The following VAV2 variants were observed in gnomAD, a reference collection of about 807,000 sequenced individuals.
VAV2 encodes the protein guanine nucleotide exchange factor VAV2.
VAV2 carries 67 observed loss-of-function variants against 132.5 expected under a neutral mutation model. The observed-to-expected ratio is 0.51, with a 90% CI of 0.42 to 0.62. VAV2 has a LOEUF of 0.62. Among genes scored for constraint, VAV2 ranks in the 20% least tolerant of loss-of-function variants. The pLI is 0.00. For synonymous variants in VAV2, 492 were observed against 443.5 expected, an observed-to-expected ratio of 1.11 and a Z score of -1.37; for missense variants, 938 against 1,153.6, an observed-to-expected ratio of 0.81 and a Z score of 2.71.
At chr9:133,855,452 A>G (rs934667128) in intron 3 of VAV2, among the ~76,000 whole-genome samples, 1 of 152,252 alleles carries the variant, frequency 6.6e-6, no homozygotes, top group Non-Finnish European at 1.5e-5. Flanking sequence ...AGGGCCAGCC[A>G]GCAAGGCACG....
intron 4 of VAV2, among the ~76,000 whole-genome samples, chr9:133,819,775 G>A (rs1482813105): frequency 1.3e-5 from 2 of 152,166 alleles, no homozygotes; most frequent in East Asian, 1.9e-4. Context: ...AACACTGGGA[G>A]AGATGGGTTC....
At chr9:133,899,353 T>G (rs953308333) in intron 2 of VAV2, among the ~76,000 whole-genome samples, 1 of 150,972 alleles carries the variant, frequency 6.6e-6, no homozygotes, top group Non-Finnish European at 1.5e-5. Flanking sequence ...GCCCAGGAGT[T>G]TGAGACCAGT....
At chr9:133,780,839 G>A in intron 19 of VAV2, 129 bp from the exon 20 acceptor site, 5 of 1,071,194 alleles carry the variant, frequency 4.7e-6, no homozygotes, top group African/African-American at 1.6e-5. Flanking sequence ...CTACAAAGTG[G>A]TCTGTTTTGG....
chr9:133,948,930 A>G (rs1296545456), intron 1 of VAV2, among the ~76,000 whole-genome samples: 1 of 152,158 alleles, frequency 6.6e-6, no homozygotes, highest in African/African-American at 2.4e-5. Flanking sequence ...TCCCCATGGG[A>G]GCCCCACGGC....
At chr9:133,867,089 G>C (rs930444862) in intron 2 of VAV2, among the ~76,000 whole-genome samples, 12 of 152,142 alleles carry the variant, frequency 7.9e-5, no homozygotes, top group Non-Finnish European at 1.5e-4. Flanking sequence ...CCCTGCAGGG[G>C]ACACAACACC....
intron 1 of VAV2, among the ~76,000 whole-genome samples, chr9:133,983,083 G>C (rs984022802): frequency 6.6e-6 from 1 of 152,218 alleles, no homozygotes; most frequent in South Asian, 2.1e-4. Context: ...TTCAGGGGCA[G>C]TCAGGAGGGA....
intron 2 of VAV2, among the ~76,000 whole-genome samples, chr9:133,910,132 T>C (rs1449471776): frequency 6.6e-6 from 1 of 152,142 alleles, no homozygotes; most frequent in African/African-American, 2.4e-5. Flanking sequence ...CTCTATTGCC[T>C]AGAATGAAGA....
intron 3 of VAV2, among the ~76,000 whole-genome samples, chr9:133,837,376 TAAAA>T (rs1172997364): frequency 6.6e-6 from 1 of 152,178 alleles, no homozygotes; most frequent in African/African-American, 2.4e-5. Flanking sequence ...GAGTGCCCAC[TAAAA>T]TAAGGCACAA....
rs536981762 is a variant in VAV2 at position 133,845,545 on chromosome 9, CCCTGCACTT to C, written c.381-11214_381-11206del. Among the ~76,000 whole-genome samples, 668 of 152,330 alleles carry C rather than the reference CCCTGCACTT, an allele frequency of 4.4e-3. 4 individuals carry two copies. Among genetic ancestry groups the C allele is most frequent in the African/African-American group, 0.015 (634 of 41,590 alleles). ...AGCAGCTGAAGGCCCTCTTCCCCCTCCCTGCACTTCCTGCCGACTTGTCTGCTGGGAAAT... is the reference window on the plus strand; with the variant it reads ...AGCAGCTGAAGGCCCTCTTCCCCCTCCCTGCCGACTTGTCTGCTGGGAAAT... On this transcript the variant is annotated intron_variant, in intron 3 of 29. Coordinates refer to ENST00000371850, the MANE Select transcript of VAV2 (RefSeq NM_001134398.2).
In VAV2 at chr9:133,787,210, G is replaced by A. The variant is rs749623662; in HGVS notation, c.1422+36C>T. 7.1e-6 allele frequency: 11 copies of A among 1,553,710 alleles called. No individual in the cohort carries two copies. The Admixed American group carries it at 1.8e-4, about 26-fold the overall frequency. On this transcript the variant is annotated intron_variant, in intron 16 of 29. Coordinates refer to ENST00000371850, the MANE Select transcript of VAV2 (RefSeq NM_001134398.2). Reference sequence around the variant, plus strand: ...GTGCCAGCACCAGGCTGGGATGATTGAGGCAGGTGGGAGGACCTGGGCGCT... The same window carrying A: ...GTGCCAGCACCAGGCTGGGATGATTAAGGCAGGTGGGAGGACCTGGGCGCT...
chr9:133,777,874 A>G (rs1833871165), intron 22 of VAV2, among the ~76,000 whole-genome samples: 1 of 152,152 alleles, frequency 6.6e-6, no homozygotes. Flanking sequence ...TGACAAAATG[A>G]CCACAGCATC....
At chr9:133,978,440 C>A (rs1166329540) in intron 1 of VAV2, among the ~76,000 whole-genome samples, 1 of 152,262 alleles carries the variant, frequency 6.6e-6, no homozygotes, top group Non-Finnish European at 1.5e-5. Context: ...GAGACGGGCT[C>A]CCCAATCCTG....
intron 3 of VAV2, among the ~76,000 whole-genome samples, chr9:133,858,880 A>G (rs1837487006): frequency 6.6e-6 from 1 of 152,192 alleles, no homozygotes; most frequent in Admixed American, 6.5e-5. Context: ...CTACAGTCCC[A>G]GTCCAGGGGG....
chr9:133,896,988 G>C (rs545195063), intron 2 of VAV2, among the ~76,000 whole-genome samples: 58 of 151,464 alleles, frequency 3.8e-4, no homozygotes, highest in Middle Eastern at 3.4e-3. Flanking sequence ...CAGCTACTCG[G>C]GAGGCTGAGG....
intron 23 of VAV2, among the ~76,000 whole-genome samples, chr9:133,776,398 A>G (rs1833812683): frequency 6.6e-6 from 1 of 152,082 alleles, no homozygotes; most frequent in African/African-American, 2.4e-5. Context: ...TGAGACACCC[A>G]CAGCCAAGCT....
At position 133,783,561 on chromosome 9, in the gene VAV2, G is replaced by C; in HGVS notation, c.1665C>G (p.Thr555=). The part of the protein sequence containing the change: ...RGTFYQGYMC[T]KCGVGAHKEC... ...CCTTGTGTGCCCCGACGCCACACTT[G>C]GTACACATGTATCCCTGGTAGAAGG... The change falls in exon 19 of 30, where the codon ACC becomes ACG. Residue 555 remains threonine (T), a synonymous_variant. Coordinates refer to ENST00000371850, the MANE Select transcript of VAV2 (RefSeq NM_001134398.2). The C allele has an allele frequency of 6.2e-7, 1 of 1,614,034 alleles. No homozygotes were observed. Among genetic ancestry groups the C allele is most frequent in the Non-Finnish European group, 8.5e-7 (1 of 1,179,974 alleles).
rs140110264 is a variant in VAV2, at chr9:133,806,125, C to T, written c.792G>A (p.Val264=). The T allele has an allele frequency of 6.2e-7, 1 of 1,613,094 alleles. No homozygotes were observed. The highest frequency in any genetic ancestry group is 8.5e-7 in the Non-Finnish European group (1 of 1,179,988). The change falls in exon 9 of 30, where the codon GTG becomes GTA. Residue 264 remains valine, a synonymous_variant. Coordinates refer to ENST00000371850, the MANE Select transcript of VAV2 (RefSeq NM_001134398.2). ...AGACCTTGGCCAGCGTGCTGCCCCC[C>T]ACCATCACGGACACGTCGATGGCCC... ...FLRAIDVSVM[V]GGSTLAKVFL... is the part of the protein sequence containing the mutation.
At chr9:133,959,386 C>T (rs1841894150) in intron 1 of VAV2, among the ~76,000 whole-genome samples, 1 of 152,158 alleles carries the variant, frequency 6.6e-6, no homozygotes, top group Non-Finnish European at 1.5e-5. Flanking sequence ...CTCCTGCCCA[C>T]CCTCTGCGCC....
At chr9:133,787,136 C>A in intron 16 of VAV2, 110 bp downstream of exon 16, 2 of 1,272,040 alleles carry the variant, frequency 1.6e-6, no homozygotes, top group Non-Finnish European at 2.1e-6. Flanking sequence ...ACCAAGAAAA[C>A]CCTGAGCCCA....
Sources: gnomAD v4.1 joint callset for allele counts (sites outside exome capture counted in the v4.1 genomes callset) on GRCh38, gnomAD v4.1.1 for gene constraint, MANE v1.5 for transcripts, NCBI Gene and HGNC (gene_info 2026-07-23, HGNC 2026-07-21) for gene names.